The following SLC22A5 variants were observed in gnomAD, a reference collection of about 807,000 sequenced individuals.
SLC22A5 encodes the protein organic cation/carnitine transporter 2.
In SLC22A5, 44 loss-of-function variants were observed where a neutral mutation model predicts 56.7. The ratio of observed to expected loss-of-function variants is 0.78; its 90% CI spans 0.61 to 1.00. The LOEUF is 1.00. Ranked by LOEUF, SLC22A5 falls within the 50% of genes least tolerant of loss-of-function variation. The pLI is 0.00. For missense variants in SLC22A5, 675 were observed against 723.0 expected, an observed-to-expected ratio of 0.93 and a Z score of 0.76; for synonymous variants, 278 against 292.1, an observed-to-expected ratio of 0.95 and a Z score of 0.49.
In SLC22A5 at chr5:132,370,477, C is replaced by A. The variant is rs1407111146; in HGVS notation, c.393+112C>A. ...GCACTGGACGCTGTCACTCCCCCTC[C>A]CCCAACGGTCAACACCCTAGCGATG... On this transcript the variant is annotated intron_variant, in intron 1 of 9. Coordinates refer to ENST00000245407, the MANE Select transcript of SLC22A5 (RefSeq NM_003060.4). 6 of 1,238,676 alleles carry A rather than the reference C, an allele frequency of 4.8e-6. No individual in the cohort carries two copies. The South Asian group carries it at 6.8e-5, about 14-fold the overall frequency. The allele number at this position is 1,238,676 out of a possible 1,614,324, so 76.7% of individuals were successfully genotyped here.
At chr5:132,386,161 A>AT (rs1752517596) in intron 4 of SLC22A5, among the ~76,000 whole-genome samples, 1 of 152,156 alleles carries the variant, frequency 6.6e-6, no homozygotes, top group South Asian at 2.1e-4. Context: ...AATAATATCC[A>AT]TAGAGCACTC....
chr5:132,394,058 A>G (rs1038968933), intron 9 of SLC22A5, 127 bp from the exon 10 acceptor site: 2 of 810,056 alleles, frequency 2.5e-6, no homozygotes, highest in Non-Finnish European at 4.2e-6. Flanking sequence ...AGAGGCTAGA[A>G]GAAACCTTTC....
At chr5:132,385,646 C>A in intron 4 of SLC22A5, 147 bp downstream of exon 4, 1 of 766,016 alleles carries the variant, frequency 1.3e-6, no homozygotes. Context: ...ATGTTTTCTC[C>A]ACACTCAAAA....
At chr5:132,381,358 G>A (rs17622208) in intron 2 of SLC22A5, 51,471 of 152,070 alleles carry the variant, frequency 0.34, 10,329 homozygotes, top group Non-Finnish European at 0.46. Flanking sequence ...TACACCCTAA[G>A]TGGCTAAAAG....
At chr5:132,382,743 C>G (rs1035304192) in intron 2 of SLC22A5, 2 of 152,146 alleles carry the variant, frequency 1.3e-5, no homozygotes, top group East Asian at 3.9e-4. Flanking sequence ...TATTCAGTAG[C>G]GTGTTGTTAG....
chr5:132,383,960 A>G (rs1752435724), intron 2 of SLC22A5, 187 bp from the exon 3 acceptor site: 1 of 651,596 alleles, frequency 1.5e-6, no homozygotes, highest in Non-Finnish European at 2.8e-6. Context: ...TACATTTGTC[A>G]TGGGGAGTGG....
chr5:132,392,685 G>A, intron 8 of SLC22A5, 70 bp downstream of exon 8: 5 of 1,372,936 alleles, frequency 3.6e-6, no homozygotes, highest in Non-Finnish European at 5.2e-6. Flanking sequence ...AATGTGAGCT[G>A]GAGGTTGCGT....
At chr5:132,388,280 G>A (rs970575301) in intron 5 of SLC22A5, among the ~76,000 whole-genome samples, 1 of 152,178 alleles carries the variant, frequency 6.6e-6, no homozygotes, top group African/African-American at 2.4e-5. Context: ...TTGACCTTTT[G>A]TTGAACTTCT....
intron 2 of SLC22A5, chr5:132,383,128 C>T (rs573832848): frequency 2.0e-5 from 3 of 152,444 alleles, no homozygotes; most frequent in African/African-American, 7.2e-5. Flanking sequence ...TTGCTGTCCA[C>T]TAAGAAGCCC....
intron 3 of SLC22A5, 101 bp from the exon 4 acceptor site, chr5:132,385,227 T>G: frequency 9.4e-7 from 1 of 1,069,168 alleles, no homozygotes; most frequent in African/African-American, 1.6e-5. Flanking sequence ...GAGAGAGTTC[T>G]CGCTGTTTTC....
At chr5:132,373,461 C>G (rs2126769935) in intron 1 of SLC22A5, among the ~76,000 whole-genome samples, 1 of 152,292 alleles carries the variant, frequency 6.6e-6, no homozygotes, top group Admixed American at 6.5e-5. Flanking sequence ...CATGGTGAAA[C>G]TCCATCTCTA....
intron 1 of SLC22A5, among the ~76,000 whole-genome samples, chr5:132,374,758 C>CA (rs34965096): frequency 0.017 from 2,346 of 138,240 alleles, 42 homozygotes; most frequent in African/African-American, 0.042. Context: ...GTCAGGGAGC[C>CA]AAAAAAAAAA....
In SLC22A5 at chr5:132,388,963, C is replaced by T. The variant is rs1466632599; in HGVS notation, c.994C>T (p.Leu332=). The T allele has an allele frequency of 6.2e-7, 1 of 1,613,980 alleles. No individual in the cohort carries two copies. Among genetic ancestry groups the T allele is most frequent in the Admixed American group, 1.7e-5 (1 of 60,032 alleles). ...SSKKQQSHNI[L]DLLRTWNIRM... ...CAAGAAGCAGCAGTCCCACAACATT[C>T]TGGATCTGCTTCGAACCTGGAATAT... is the stretch of plus-strand genomic sequence containing the variant. The change falls in exon 6 of 10, where the codon CTG becomes TTG. Residue 332 remains leucine, a synonymous_variant. Transcript: ENST00000245407.
chr5:132,374,872 TG>T (rs1160937310), intron 1 of SLC22A5, among the ~76,000 whole-genome samples: 1 of 151,876 alleles, frequency 6.6e-6, no homozygotes, highest in Admixed American at 6.6e-5. Flanking sequence ...CTGGTCAACA[TG>T]GCAAAACCCC....
At chr5:132,378,725 A>C (rs1425031318) in intron 2 of SLC22A5, 2 of 519,262 alleles carry the variant, frequency 3.9e-6, no homozygotes, top group Non-Finnish European at 7.0e-6. Context: ...GACCCGGTTG[A>C]CTAGGTAATA....
intron 2 of SLC22A5, chr5:132,381,974 A>G (rs1448013696): frequency 6.6e-6 from 1 of 152,166 alleles, no homozygotes; most frequent in African/African-American, 2.4e-5. Context: ...CATATAGAAC[A>G]TGCTTGTTAA....
Position 132,387,093 on chromosome 5 carries a change from G to A in SLC22A5, c.893G>A (p.Arg298His), listed in dbSNP as rs747835354. 11 of 1,614,112 alleles carry A rather than the reference G, an allele frequency of 6.8e-6. No homozygotes were observed. In the South Asian group the frequency reaches 7.7e-5, roughly 11 times the overall value. ...GRFEEAEVII[R>H]KAAKANGIVV... ...TTTGAAGAGGCAGAGGTGATCATCC[G>A]CAAGGCTGCCAAAGCCAATGGGATT... The change falls in exon 5 of 10, where the codon CGC (arginine) becomes CAC (histidine). Residue 298 changes from arginine to histidine, a missense_variant. Transcript: ENST00000245407.
rs752936848 is a variant in SLC22A5, at chr5:132,392,632, A to G, written c.1450+17A>G. 6.2e-7 allele frequency: 1 copy of G among 1,610,852 alleles called. No individual in the cohort carries two copies. On this transcript the variant is annotated intron_variant, in intron 8 of 9. Coordinates refer to ENST00000245407, the MANE Select transcript of SLC22A5 (RefSeq NM_003060.4). ...TTTACCTTGGTAAGTCCCATGAGCC[A>G]AGGGCACACTAGAGCAACGGGATGG... is the stretch of plus-strand genomic sequence containing the variant.
rs780840380 is a variant in SLC22A5, at chr5:132,385,360, A to C, written c.685A>C (p.Ile229Leu). 4.3e-6 allele frequency: 7 copies of C among 1,614,144 alleles called. No individual in the cohort carries two copies. The Admixed American group carries it at 1.2e-4, about 27-fold the overall frequency. The change falls in exon 4 of 10, where the codon ATA (isoleucine) becomes CTA (leucine). Residue 229 changes from isoleucine (I) to leucine (L), a missense_variant. Coordinates refer to ENST00000245407, the MANE Select transcript of SLC22A5 (RefSeq NM_003060.4). ...TEILGKSVRI[I>L]FSTLGVCIFY... ...AATTCTTGGCAAGTCAGTTCGTATA[A>C]TATTCTCTACGTTAGGAGTGTGCAT...
Sources: allele counts gnomAD v4.1 joint callset (sites outside exome capture counted in the v4.1 genomes callset), GRCh38; gene constraint gnomAD v4.1.1; transcripts MANE v1.5; gene names NCBI Gene and HGNC (gene_info 2026-07-23, HGNC 2026-07-21).